MECOM: variants seen among roughly 807,000 people sequenced by gnomAD.
The protein encoded by MECOM is histone-lysine N-methyltransferase MECOM.
MECOM carries 13 observed loss-of-function variants against 116.3 expected under a neutral mutation model. That is an observed-to-expected ratio of 0.11 (90% CI 0.07 to 0.18). The LOEUF (loss-of-function observed/expected upper bound fraction) is 0.18. Ranked by LOEUF, MECOM falls within the 10% of genes least tolerant of loss-of-function variation. The pLI is 1.00. For synonymous variants in MECOM, 528 were observed against 535.2 expected (o/e 0.99, Z 0.19); for missense variants, 1,299 against 1,509.0 (o/e 0.86, Z 2.31).
chr3:169,602,804 C>T (rs144547590), intron 1 of MECOM, among the ~76,000 whole-genome samples: 50 of 152,250 alleles, frequency 3.3e-4, no homozygotes, highest in African/African-American at 1.1e-3. Context: ...TCATGAGCTG[C>T]AGAGCTATGA....
intron 1 of MECOM, among the ~76,000 whole-genome samples, chr3:169,549,010 GT>G (rs1234562058): frequency 8.2e-6 from 1 of 121,562 alleles, no homozygotes; most frequent in Non-Finnish European, 1.6e-5. Context: ...GTCTCACTCT[GT>G]TGCCTAAGCT....
chr3:169,379,725 A>C (rs1732088244), intron 2 of MECOM, among the ~76,000 whole-genome samples: 1 of 152,120 alleles, frequency 6.6e-6, no homozygotes, highest in Non-Finnish European at 1.5e-5. Flanking sequence ...TGAGTATTGC[A>C]CTTGTTGCTT....
At chr3:169,226,870 G>GT (rs1303118100) in intron 2 of MECOM, among the ~76,000 whole-genome samples, 2 of 152,136 alleles carry the variant, frequency 1.3e-5, no homozygotes, top group Non-Finnish European at 2.9e-5. Context: ...TTTTGCTTTT[G>GT]TTTTTTGTAT....
intron 1 of MECOM, among the ~76,000 whole-genome samples, chr3:169,659,333 C>T (rs1450983695): frequency 2.0e-5 from 3 of 151,616 alleles, no homozygotes; most frequent in South Asian, 2.1e-4. Context: ...AAAAAAGAAG[C>T]CTTGCTTTTT....
intron 2 of MECOM, among the ~76,000 whole-genome samples, chr3:169,254,549 A>G (rs890456161): frequency 6.6e-6 from 1 of 152,158 alleles, no homozygotes; most frequent in Non-Finnish European, 1.5e-5. Flanking sequence ...CTCAGGGGGA[A>G]AAACCACAGT....
chr3:169,649,005 G>A (rs964822139), intron 1 of MECOM, among the ~76,000 whole-genome samples: 4 of 152,224 alleles, frequency 2.6e-5, no homozygotes, highest in South Asian at 2.1e-4. Flanking sequence ...GATAAAATAC[G>A]CAAAAACTGT....
intron 2 of MECOM, among the ~76,000 whole-genome samples, chr3:169,369,435 C>A (rs1477738895): frequency 7.1e-6 from 1 of 140,952 alleles, no homozygotes; most frequent in African/African-American, 2.6e-5. Context: ...CATCCTTGAC[C>A]TCCTGGGTTC....
At chr3:169,231,140 T>C (rs1432921424) in intron 2 of MECOM, among the ~76,000 whole-genome samples, 1 of 152,146 alleles carries the variant, frequency 6.6e-6, no homozygotes, top group Non-Finnish European at 1.5e-5. Flanking sequence ...TTTCTTACAA[T>C]TGTAGTCTTT....
chr3:169,557,854 A>T (rs894721315), intron 1 of MECOM, among the ~76,000 whole-genome samples: 1 of 152,222 alleles, frequency 6.6e-6, no homozygotes, highest in African/African-American at 2.4e-5. Context: ...AGCTTCTAGG[A>T]CAATAATACT....
Position 169,438,728 on chromosome 3 carries a change from A to G in MECOM, c.38-57204T>C, listed in dbSNP as rs188207416. ...AGATGGCCACAGCCAGCACGTGAAG[A>G]AATGTTTCAGGTACTATCGGGTTTT... On this transcript the variant is annotated intron_variant, in intron 1 of 16. Transcript: ENST00000651503. 1.7e-3 allele frequency among the ~76,000 whole-genome samples: 261 copies of G among 152,326 alleles called. 2 individuals are homozygous for G. Among genetic ancestry groups the G allele is most frequent in the African/African-American group, 5.7e-3 (239 of 41,578 alleles).
At chr3:169,265,637 C>T (rs913077026) in intron 2 of MECOM, among the ~76,000 whole-genome samples, 1 of 152,124 alleles carries the variant, frequency 6.6e-6, no homozygotes, top group Non-Finnish European at 1.5e-5. Flanking sequence ...CACTGGCCAG[C>T]CTTGAGCACA....
At chr3:169,113,760 A>C (rs1378065964) in intron 8 of MECOM, among the ~76,000 whole-genome samples, 1 of 152,068 alleles carries the variant, frequency 6.6e-6, no homozygotes, top group Non-Finnish European at 1.5e-5. Context: ...CCTACCACTT[A>C]TTGATATTAT....
intron 1 of MECOM, chr3:169,613,428 C>G (rs973466657): frequency 6.6e-6 from 1 of 152,166 alleles, no homozygotes; most frequent in Non-Finnish European, 1.5e-5. Context: ...AAGGGACACT[C>G]AGGACTCGAC....
intron 2 of MECOM, chr3:169,145,505 T>A (rs1240335362): frequency 8.7e-6 from 2 of 229,744 alleles, no homozygotes; most frequent in Admixed American, 1.1e-4. Context: ...GATCTTTTGT[T>A]GTTTGTTTCC....
intron 1 of MECOM, among the ~76,000 whole-genome samples, chr3:169,572,414 A>G (rs1210407774): frequency 6.6e-6 from 1 of 152,242 alleles, no homozygotes; most frequent in East Asian, 1.9e-4. Context: ...TAGTTCAACC[A>G]TTGTGAAACA....
chr3:169,378,724 C>T (rs985410938), intron 2 of MECOM, among the ~76,000 whole-genome samples: 5 of 151,442 alleles, frequency 3.3e-5, no homozygotes, highest in Admixed American at 3.3e-4. Context: ...TTTATTAAAA[C>T]AGGAAATGTA....
intron 2 of MECOM, chr3:169,146,395 G>C: frequency 7.2e-7 from 1 of 1,389,162 alleles, no homozygotes; most frequent in Non-Finnish European, 9.6e-7. Context: ...CCCCGAAACC[G>C]ACGGACAGAG....
intron 12 of MECOM, among the ~76,000 whole-genome samples, chr3:169,097,242 CCAAATCTAGTAAGCACCATCTTCT>C (rs1721829939): frequency 6.6e-6 from 1 of 152,028 alleles, no homozygotes; most frequent in African/African-American, 2.4e-5. Flanking sequence ...AGGGTCTTTT[CCAAATCTAGTAAGCACCATCTTCT>C]CAAATCTAAA....
At chr3:169,266,610 C>A (rs1397952335) in intron 2 of MECOM, among the ~76,000 whole-genome samples, 1 of 152,182 alleles carries the variant, frequency 6.6e-6, no homozygotes, top group Non-Finnish European at 1.5e-5. Context: ...AGTTTCTTAG[C>A]TTTCTCCCAT....
Sources: allele counts gnomAD v4.1 joint callset (sites outside exome capture counted in the v4.1 genomes callset), GRCh38; gene constraint gnomAD v4.1.1; transcripts MANE v1.5; gene names NCBI Gene and HGNC (gene_info 2026-07-23, HGNC 2026-07-21).